The following UVRAG variants were observed in gnomAD, a reference collection of about 807,000 sequenced individuals.
UVRAG encodes UV radiation resistance-associated gene protein.
UVRAG carries 19 observed loss-of-function variants against 78.0 expected under a neutral mutation model. That is an observed-to-expected ratio of 0.24 (90% confidence interval 0.17 to 0.36). The LOEUF is 0.36. Ranked by LOEUF, UVRAG falls within the 10% of genes least tolerant of loss-of-function variation. The probability of loss-of-function intolerance (pLI) is 1.00; values close to 1 mark genes in which losing one functional copy is unlikely to be tolerated. For missense variants in UVRAG, 740 were observed against 853.8 expected (o/e 0.87, Z 1.66); for synonymous variants, 323 against 324.6 (o/e 1.00, Z 0.05).
At chr11:76,064,113 A>T (rs58402577) in intron 12 of UVRAG, among the ~76,000 whole-genome samples, 14,282 of 152,238 alleles carry the variant, frequency 0.094, 1,498 homozygotes, top group African/African-American at 0.26. Flanking sequence ...TGTGAAATCA[A>T]TTTTTTAGGA....
intron 14 of UVRAG, among the ~76,000 whole-genome samples, chr11:76,131,323 C>G (rs979523833): frequency 5.3e-5 from 8 of 152,198 alleles, no homozygotes; most frequent in Non-Finnish European, 1.2e-4. Context: ...GGAGCCTGAG[C>G]TGGCCTCCAG....
chr11:75,828,721 A>ATGTGTGTG (rs201452485), intron 1 of UVRAG, among the ~76,000 whole-genome samples: 1 of 120,808 alleles, frequency 8.3e-6, no homozygotes, highest in African/African-American at 4.2e-5. Context: ...GTGTATATAT[A>ATGTGTGTG]TGTGTGTGTG....
At chr11:75,940,955 A>T (rs1265784897) in intron 6 of UVRAG, among the ~76,000 whole-genome samples, 3 of 152,164 alleles carry the variant, frequency 2.0e-5, no homozygotes, top group Non-Finnish European at 4.4e-5. Context: ...ATTAATTGTG[A>T]AAATTCTGCC....
chr11:76,051,254 G>GTT (rs1424729934), intron 12 of UVRAG, among the ~76,000 whole-genome samples: 109 of 147,308 alleles, frequency 7.4e-4, no homozygotes, highest in African/African-American at 2.6e-3. Context: ...TGGATTTGGT[G>GTT]TTTTTTTTTT....
At chr11:76,053,339 A>G (rs1319865416) in intron 12 of UVRAG, among the ~76,000 whole-genome samples, 4 of 151,456 alleles carry the variant, frequency 2.6e-5, no homozygotes, top group Non-Finnish European at 4.4e-5. Flanking sequence ...ACACACACAC[A>G]CACAAAAATA....
At chr11:75,931,311 T>A (rs531573402) in intron 6 of UVRAG, among the ~76,000 whole-genome samples, 1 of 152,106 alleles carries the variant, frequency 6.6e-6, no homozygotes, top group African/African-American at 2.4e-5. Context: ...GAGATTTTAG[T>A]CTAGTGTGTT....
chr11:75,854,052 A>G (rs1590936296), intron 2 of UVRAG, among the ~76,000 whole-genome samples: 1 of 152,204 alleles, frequency 6.6e-6, no homozygotes, highest in Non-Finnish European at 1.5e-5. Flanking sequence ...CTGGGATTAC[A>G]GGTGTGAGCT....
intron 13 of UVRAG, among the ~76,000 whole-genome samples, chr11:76,091,913 C>T (rs897842973): frequency 6.6e-6 from 1 of 151,782 alleles, no homozygotes; most frequent in Non-Finnish European, 1.5e-5. Flanking sequence ...TATACATGTG[C>T]CTTGTTGGTG....
At chr11:76,044,955 A>G (rs1394039822) in intron 12 of UVRAG, among the ~76,000 whole-genome samples, 1 of 152,158 alleles carries the variant, frequency 6.6e-6, no homozygotes, top group African/African-American at 2.4e-5. Flanking sequence ...GCAAGGGGGA[A>G]GGTTAAGAAG....
intron 12 of UVRAG, among the ~76,000 whole-genome samples, chr11:76,027,002 C>T (rs1295922206): frequency 2.0e-5 from 3 of 151,702 alleles, no homozygotes; most frequent in African/African-American, 7.3e-5. Context: ...GAATTGTAGA[C>T]TTACTGTGTT....
At chr11:75,938,497 T>C (rs1033873446) in intron 6 of UVRAG, among the ~76,000 whole-genome samples, 1 of 152,218 alleles carries the variant, frequency 6.6e-6, no homozygotes, top group African/African-American at 2.4e-5. Context: ...AGTTATGTTA[T>C]TTGGAAAAAT....
chr11:75,889,004 C>A, intron 5 of UVRAG, 101 bp downstream of exon 5: 1 of 972,588 alleles, frequency 1.0e-6, no homozygotes, highest in Non-Finnish European at 1.5e-6. Flanking sequence ...TAAATAGAAT[C>A]ATGCTTTAAA....
At chr11:75,878,431 G>C (rs1946857957) in intron 3 of UVRAG, 1 of 165,376 alleles carries the variant, frequency 6.0e-6, no homozygotes, top group South Asian at 1.1e-4. Flanking sequence ...CGGCCAGGCA[G>C]AGACGCTCCT....
chr11:75,828,379 TG>T (rs1448602148), intron 1 of UVRAG, among the ~76,000 whole-genome samples: 4 of 146,622 alleles, frequency 2.7e-5, no homozygotes, highest in Non-Finnish European at 6.0e-5. Flanking sequence ...GAGGCTGAGG[TG>T]GGAGGATTGC....
At chr11:76,060,956 G>A in intron 12 of UVRAG, among the ~76,000 whole-genome samples, 1 of 152,252 alleles carries the variant, frequency 6.6e-6, no homozygotes, top group East Asian at 1.9e-4. Context: ...GCGGGCGCAT[G>A]GCGCGGGACT....
intron 12 of UVRAG, among the ~76,000 whole-genome samples, chr11:76,041,240 G>A (rs1365288943): frequency 2.0e-5 from 3 of 152,206 alleles, no homozygotes; most frequent in Non-Finnish European, 4.4e-5. Context: ...AATTGTGGAA[G>A]AAGCTACAGA....
intron 11 of UVRAG, 61 bp downstream of exon 11, chr11:76,008,928 G>A (rs1950000581): frequency 9.9e-7 from 1 of 1,011,702 alleles, no homozygotes; most frequent in South Asian, 1.8e-5. Flanking sequence ...AGAATATCTT[G>A]AAATGCTGGT....
chr11:75,956,810 T>G (rs565423772), intron 6 of UVRAG, among the ~76,000 whole-genome samples: 1 of 152,310 alleles, frequency 6.6e-6, no homozygotes, highest in East Asian at 1.9e-4. Context: ...ATTATGATTT[T>G]AATATGCGTT....
chr11:75,825,441 C>T (rs1157590507), intron 1 of UVRAG, among the ~76,000 whole-genome samples: 1 of 152,154 alleles, frequency 6.6e-6, no homozygotes, highest in African/African-American at 2.4e-5. Context: ...TAAATTTTTT[C>T]AATGCCTTGT....
Sources: allele counts gnomAD v4.1 joint callset (sites outside exome capture counted in the v4.1 genomes callset), GRCh38; gene constraint gnomAD v4.1.1; transcripts MANE v1.5; gene names NCBI Gene and HGNC (gene_info 2026-07-23, HGNC 2026-07-21).